RBFOX1: variants seen among roughly 807,000 people sequenced by gnomAD.
RBFOX1 encodes RNA binding fox-1 homolog 1.
Under a neutral mutation model 57.7 loss-of-function variants are expected in RBFOX1, and 8 were observed. The ratio of observed to expected loss-of-function variants is 0.14; its 90% CI spans 0.08 to 0.25. The LOEUF (loss-of-function observed/expected upper bound fraction) is 0.25, where lower values mean the gene tolerates loss of function less well. Among genes scored for constraint, RBFOX1 ranks in the 10% least tolerant of loss-of-function variants. The pLI, the probability that RBFOX1 is intolerant of heterozygous loss-of-function variation, is 1.00. For synonymous variants in RBFOX1, 326 were observed against 222.4 expected (o/e 1.47, Z -4.15); for missense variants, 611 against 548.5 (o/e 1.11, Z -1.14).
chr16:7,343,426 G>A (rs749239625), intron 4 of RBFOX1, among the ~76,000 whole-genome samples: 49 of 152,250 alleles, frequency 3.2e-4, no homozygotes, highest in Non-Finnish European at 5.4e-4. Context: ...ACCAGCAGTG[G>A]GATTTGGGAG....
rs568331038 is a variant in RBFOX1, at chr16:6,601,183, G to C, written c.-63-53420G>C. Among the ~76,000 whole-genome samples the C allele has an allele frequency of 5.3e-5, 8 of 152,242 alleles. No homozygotes were observed. The South Asian group carries it at 1.7e-3, about 32-fold the overall frequency. On this transcript the variant is annotated intron_variant, in intron 2 of 15. Coordinates refer to ENST00000550418, the MANE Select transcript of RBFOX1 (RefSeq NM_018723.4). ...AGAAAGGAATTAGATATCCAACTTA[G>C]TACTTGTTTTTTTAAGATCATGAAA...
At chr16:5,899,045 C>G (rs1005624365) in intron 4 of RBFOX1, among the ~76,000 whole-genome samples, 1 of 149,458 alleles carries the variant, frequency 6.7e-6, no homozygotes, top group African/African-American at 2.5e-5. Context: ...CTTTTAGTTT[C>G]AGAGATACCT....
chr16:6,472,184 G>T (rs1434910962), intron 2 of RBFOX1, among the ~76,000 whole-genome samples: 4 of 152,174 alleles, frequency 2.6e-5, no homozygotes, highest in African/African-American at 9.7e-5. Context: ...AATCTGATTT[G>T]ACCAGGTAGG....
At chr16:5,957,173 T>C (rs2059659873) in intron 4 of RBFOX1, among the ~76,000 whole-genome samples, 1 of 152,184 alleles carries the variant, frequency 6.6e-6, no homozygotes, top group African/African-American at 2.4e-5. Context: ...AGGTGATTGA[T>C]ATGCTACGAT....
intron 1 of RBFOX1, among the ~76,000 whole-genome samples, chr16:6,051,724 C>T (rs1057113823): frequency 2.0e-5 from 3 of 152,100 alleles, no homozygotes; most frequent in Non-Finnish European, 2.9e-5. Flanking sequence ...CCACCATGCC[C>T]AGCTAATTTT....
At chr16:7,257,389 T>TC (rs2094734170) in intron 4 of RBFOX1, among the ~76,000 whole-genome samples, 1 of 152,088 alleles carries the variant, frequency 6.6e-6, no homozygotes. Context: ...CCCTCTATCT[T>TC]CCCTCTTTTA....
At chr16:7,324,543 G>C (rs1031339467) in intron 4 of RBFOX1, among the ~76,000 whole-genome samples, 1 of 152,172 alleles carries the variant, frequency 6.6e-6, no homozygotes, top group Non-Finnish European at 1.5e-5. Flanking sequence ...TCAGAGGTCG[G>C]TTCCTGAGGC....
At chr16:6,532,668 G>T (rs533547643) in intron 2 of RBFOX1, among the ~76,000 whole-genome samples, 1 of 152,160 alleles carries the variant, frequency 6.6e-6, no homozygotes, top group Non-Finnish European at 1.5e-5. Flanking sequence ...GCACACTCTG[G>T]ACTGTGCACT....
chr16:7,304,265 C>T, intron 4 of RBFOX1: 4 of 983,026 alleles, frequency 4.1e-6, no homozygotes, highest in Admixed American at 6.3e-5. Flanking sequence ...AGCCACCGGT[C>T]ATTGACTTAG....
At chr16:7,421,004 G>T (rs1231837714) in intron 4 of RBFOX1, among the ~76,000 whole-genome samples, 1 of 150,850 alleles carries the variant, frequency 6.6e-6, no homozygotes, top group African/African-American at 2.4e-5. Context: ...AGGCTGTACA[G>T]ACGTGGGAGG....
chr16:6,822,527 C>G (rs1181329585), intron 3 of RBFOX1, among the ~76,000 whole-genome samples: 1 of 152,234 alleles, frequency 6.6e-6, no homozygotes, highest in Non-Finnish European at 1.5e-5. Flanking sequence ...AATTCCACTT[C>G]GTGGCTAGAG....
chr16:6,975,029 A>G lies in RBFOX1; in HGVS notation c.-15-77028A>G, dbSNP rs563340428. Among the ~76,000 whole-genome samples, 213 of 152,252 alleles carry G rather than the reference A, an allele frequency of 1.4e-3. 1 individual carries two copies. The highest frequency in any genetic ancestry group is 2.1e-3 in the Non-Finnish European group (145 of 68,026). On this transcript the variant is annotated intron_variant, in intron 3 of 15. Transcript: ENST00000550418. ...GAGCTAGGTGTGTTCACATGGTAGT[A>G]CTTTTTCTTTTGATCCAATTGTTTA... is the stretch of plus-strand genomic sequence containing the variant.
intron 2 of RBFOX1, among the ~76,000 whole-genome samples, chr16:6,634,339 C>T (rs1007666981): frequency 6.6e-6 from 1 of 152,030 alleles, no homozygotes; most frequent in East Asian, 1.9e-4. Flanking sequence ...AGGTTCATGT[C>T]CCAGATCCAA....
Position 6,760,131 on chromosome 16 carries a change from T to G in RBFOX1, c.-16+105481T>G, listed in dbSNP as rs577489519. Among the ~76,000 whole-genome samples, 3 of 152,244 alleles carry G rather than the reference T, an allele frequency of 2.0e-5. No individual in the cohort carries two copies. The South Asian group carries it at 6.2e-4, about 32-fold the overall frequency. On this transcript the variant is annotated intron_variant, in intron 3 of 15. Coordinates refer to ENST00000550418, the MANE Select transcript of RBFOX1 (RefSeq NM_018723.4). ...ATAAAAGGAAGGTAGAAATATGTTTTCTTAAGAAAAAAAAATGTACGTACA... is the reference window on the plus strand; with the variant it reads ...ATAAAAGGAAGGTAGAAATATGTTTGCTTAAGAAAAAAAAATGTACGTACA...
chr16:7,120,830 T>TACACACACAC (rs397836603), intron 4 of RBFOX1, among the ~76,000 whole-genome samples: 966 of 86,556 alleles, frequency 0.011, 16 homozygotes, highest in African/African-American at 0.036. Flanking sequence ...TATGTATATA[T>TACACACACAC]ACACACACAC....
At chr16:5,905,064 CT>C (rs57349384) in intron 4 of RBFOX1, among the ~76,000 whole-genome samples, 18,055 of 77,928 alleles carry the variant, frequency 0.23, 822 homozygotes, top group Middle Eastern at 0.28. Flanking sequence ...ATGACTGGTG[CT>C]TTTTTTTTTT....
intron 6 of RBFOX1, among the ~76,000 whole-genome samples, chr16:7,586,642 T>C (rs1389383603): frequency 2.0e-5 from 3 of 152,250 alleles, no homozygotes; most frequent in Non-Finnish European, 4.4e-5. Flanking sequence ...TTCATGCTAG[T>C]TGTCTAAAAT....
At chr16:7,060,474 C>G (rs976281033) in intron 4 of RBFOX1, among the ~76,000 whole-genome samples, 1 of 152,204 alleles carries the variant, frequency 6.6e-6, no homozygotes, top group Non-Finnish European at 1.5e-5. Flanking sequence ...TTCTATATCA[C>G]TTTAAAAGTG....
intron 1 of RBFOX1, among the ~76,000 whole-genome samples, chr16:5,352,443 G>A (rs539578958): frequency 1.7e-4 from 26 of 152,210 alleles, no homozygotes; most frequent in African/African-American, 5.5e-4. Context: ...ACCCTTCACC[G>A]GTTGTCAAAC....
Sources: allele counts gnomAD v4.1 joint callset (sites outside exome capture counted in the v4.1 genomes callset), GRCh38; gene constraint gnomAD v4.1.1; transcripts MANE v1.5; gene names NCBI Gene and HGNC (gene_info 2026-07-23, HGNC 2026-07-21).